Variants in BPHL observed in about 807,000 individuals in gnomAD.
The protein encoded by BPHL is serine hydrolase BPHL.
In BPHL, 27 loss-of-function variants were observed where a neutral mutation model predicts 31.2. The observed-to-expected ratio is 0.87, with a 90% CI of 0.64 to 1.19. The LOEUF is 1.19. Among genes scored for constraint, BPHL ranks in the 50% most tolerant of loss-of-function variants. The pLI, the probability that BPHL is intolerant of heterozygous loss-of-function variation, is 0.00. For synonymous variants in BPHL, 150 were observed against 146.8 expected, an observed-to-expected ratio of 1.02 and a Z score of -0.16; for missense variants, 356 against 375.7, an observed-to-expected ratio of 0.95 and a Z score of 0.43.
chr6:3,118,768 G>T lies in BPHL; in HGVS notation c.28G>T (p.Val10Leu), dbSNP rs1355147459. 5.6e-6 allele frequency: 7 copies of T among 1,255,218 alleles called. No individual in the cohort carries two copies. The African/African-American group carries it at 9.3e-5, about 17-fold the overall frequency. 77.8% of individuals were successfully genotyped at this position (1,255,218 alleles called of 1,614,324 possible). The change falls in exon 1 of 7, where the codon GTG becomes TTG. Residue 10 changes from valine (V) to leucine (L), a missense_variant. Physicochemically the swap from Val to Leu is conservative, Grantham distance 32. Transcript: ENST00000380379. MVAVLGGRG[V>L]LRLRLLLSAL... ...GGTGGCTGTGCTGGGCGGCCGGGGC[G>T]TGTTGCGCCTGCGGCTGCTTCTCTC... is the stretch of plus-strand genomic sequence containing the variant.
At chr6:3,133,794 G>A (rs369026359) in intron 4 of BPHL, among the ~76,000 whole-genome samples, 16 of 152,364 alleles carry the variant, frequency 1.1e-4, no homozygotes, top group African/African-American at 3.8e-4. Context: ...GCTGGTTCTT[G>A]TACCCGTCTC....
At chr6:3,120,041 C>CT (rs201995964) in intron 1 of BPHL, among the ~76,000 whole-genome samples, 9,973 of 147,248 alleles carry the variant, frequency 0.068, 1,127 homozygotes, top group African/African-American at 0.23. Context: ...CAATATAGTT[C>CT]TTTTTTTTTT....
intron 1 of BPHL, chr6:3,119,357 T>G (rs1167972837): frequency 1.3e-6 from 2 of 1,567,450 alleles, no homozygotes; most frequent in Non-Finnish European, 1.7e-6. Flanking sequence ...TCTCTTTGCT[T>G]GCTGATCTCG....
Position 3,152,583 on chromosome 6 carries a change from C to T in BPHL, c.*8C>T. ...GAAGACTTCCTACAATGAGAATGCA[C>T]ACTCCAGTCTTGGTGGTTCCTTCGT... On this transcript the variant is annotated 3_prime_UTR_variant, in exon 7 of 7. Transcript: ENST00000380379. 6.2e-7 allele frequency: 1 copy of T among 1,611,858 alleles called. No individual in the cohort carries two copies. The highest frequency in any genetic ancestry group is 8.5e-7 in the Non-Finnish European group (1 of 1,178,624).
intron 6 of BPHL, among the ~76,000 whole-genome samples, chr6:3,150,870 T>C (rs1445096603): frequency 1.3e-5 from 2 of 152,230 alleles, no homozygotes; most frequent in African/African-American, 2.4e-5. Context: ...CTCTCTTCTA[T>C]CTGTCTGTCC....
At chr6:3,134,085 G>A (rs1485911460) in intron 4 of BPHL, among the ~76,000 whole-genome samples, 1 of 152,126 alleles carries the variant, frequency 6.6e-6, no homozygotes, top group African/African-American at 2.4e-5. Context: ...TTGAAAATCT[G>A]TGTTTATCCA....
intron 1 of BPHL, among the ~76,000 whole-genome samples, chr6:3,121,415 T>C (rs2113743048): frequency 6.9e-6 from 1 of 145,094 alleles, no homozygotes; most frequent in East Asian, 2.3e-4. Flanking sequence ...TTCCCCTGCC[T>C]CAGCCTTCTG....
At chr6:3,129,243 CT>C in intron 4 of BPHL, 45 bp downstream of exon 4, 1 of 1,506,178 alleles carries the variant, frequency 6.6e-7, no homozygotes, top group Non-Finnish European at 8.9e-7. Context: ...GATCCTTCCC[CT>C]CTCTCCGCAT....
At chr6:3,122,190 G>A (rs1443541545) in intron 1 of BPHL, among the ~76,000 whole-genome samples, 1 of 152,226 alleles carries the variant, frequency 6.6e-6, no homozygotes, top group African/African-American at 2.4e-5. Flanking sequence ...TGAGGCAGGA[G>A]AATGGTGTGA....
chr6:3,119,613 G>A (rs1172949585), intron 1 of BPHL: 3 of 1,486,596 alleles, frequency 2.0e-6, no homozygotes, highest in Non-Finnish European at 2.8e-6. Context: ...TGGATAGAGC[G>A]GCATGAAGCT....
intron 6 of BPHL, among the ~76,000 whole-genome samples, chr6:3,151,389 T>A (rs1762520180): frequency 6.6e-6 from 1 of 152,164 alleles, no homozygotes; most frequent in Non-Finnish European, 1.5e-5. Flanking sequence ...ATTACTAATG[T>A]TCCAAGGCCC....
upstream of BPHL, chr6:3,118,408 G>A (rs535368787): frequency 1.7e-5 from 4 of 232,062 alleles, no homozygotes; most frequent in Non-Finnish European, 2.5e-5. Flanking sequence ...TGGCGGCCTC[G>A]CCTCCTGGAA....
chr6:3,144,394 T>TG lies in BPHL; in HGVS notation c.788+3885_788+3886insG, dbSNP rs1554121587. Among the ~76,000 whole-genome samples, 271 of 135,062 alleles carry TG rather than the reference T, an allele frequency of 2.0e-3. 4 individuals are homozygous for TG. Among genetic ancestry groups the TG allele is most frequent in the Non-Finnish European group, 3.4e-3 (211 of 61,886 alleles). 88.6% of individuals were successfully genotyped at this position (135,062 alleles called of 152,430 possible). A position where few individuals can be genotyped will look rare whatever the true frequency, so the allele number is the denominator to read the frequency against. On this transcript the variant is annotated intron_variant, in intron 6 of 6. Transcript: ENST00000380379. ...CTTCTTTTTTTTTTTTTTTTTTGTT[T>TG]TTTTTTTTAAGAGACAGGGCTTGCA... is the stretch of plus-strand genomic sequence containing the variant.
At chr6:3,150,678 G>C (rs990207661) in intron 6 of BPHL, among the ~76,000 whole-genome samples, 1 of 152,220 alleles carries the variant, frequency 6.6e-6, no homozygotes, top group South Asian at 2.1e-4. Flanking sequence ...TGAGAATCTA[G>C]AGCTCCTGTC....
chr6:3,143,954 C>T lies in BPHL; in HGVS notation c.788+3445C>T, dbSNP rs80191326. Among the ~76,000 whole-genome samples the T allele has an allele frequency of 8.7e-3, 1,320 of 152,380 alleles. 12 individuals are homozygous for T. Among genetic ancestry groups the T allele is most frequent in the African/African-American group, 0.03 (1,240 of 41,600 alleles). On this transcript the variant is annotated intron_variant, in intron 6 of 6. Transcript: ENST00000380379. ...TGCCTTTGCCTGCCTGGGTGTGTGC[C>T]CACCCCTTAGGCCAGGACTCAGGCG...
intron 5 of BPHL, chr6:3,138,184 A>T (rs528359944): frequency 2.5e-4 from 85 of 346,616 alleles, no homozygotes; most frequent in African/African-American, 1.8e-3. Flanking sequence ...ACACAGGCAC[A>T]TTTTTTTTGT....
intron 6 of BPHL, 110 bp from the exon 7 acceptor site, chr6:3,152,378 G>A (rs1202301940): frequency 1.1e-6 from 1 of 882,876 alleles, no homozygotes; most frequent in Non-Finnish European, 1.8e-6. Context: ...GGTCATGGGG[G>A]AAATGTGTTA....
intron 1 of BPHL, chr6:3,119,223 G>C: frequency 6.9e-7 from 1 of 1,440,594 alleles, no homozygotes; most frequent in Non-Finnish European, 9.4e-7. Flanking sequence ...TTAGTCCATT[G>C]CTCTGTCCAG....
At chr6:3,135,676 GTC>G (rs1762000221) in intron 4 of BPHL, among the ~76,000 whole-genome samples, 1 of 151,978 alleles carries the variant, frequency 6.6e-6, no homozygotes, top group African/African-American at 2.4e-5. Flanking sequence ...GCATCGTCGT[GTC>G]TCTCTGCGTG....
Sources: gnomAD v4.1 joint callset for allele counts (sites outside exome capture counted in the v4.1 genomes callset) on GRCh38, gnomAD v4.1.1 for gene constraint, MANE v1.5 for transcripts, NCBI Gene and HGNC (gene_info 2026-07-23, HGNC 2026-07-21) for gene names.